Variants in BRWD3 observed in about 807,000 individuals in gnomAD.
BRWD3 encodes bromodomain and WD repeat domain containing 3.
BRWD3 carries 10 observed loss-of-function variants against 149.7 expected under a neutral mutation model. The observed-to-expected ratio is 0.07, with a 90% CI of 0.04 to 0.11. The LOEUF (loss-of-function observed/expected upper bound fraction) is 0.11. Ranked by LOEUF, BRWD3 falls within the 10% of genes least tolerant of loss-of-function variation. BRWD3 has a pLI of 1.00. For synonymous variants in BRWD3, 504 were observed against 456.7 expected (o/e 1.10, Z -1.32); for missense variants, 940 against 1,373.2 (o/e 0.68, Z 4.99).
chrX:80,687,309 A>G (rs1294889005), intron 34 of BRWD3, among the ~76,000 whole-genome samples: 1 of 111,287 alleles, frequency 9.0e-6, no homozygotes, highest in Non-Finnish European at 1.9e-5. Flanking sequence ...CAAGTTATAG[A>G]GCCTTAATAT....
chrX:80,717,502 TA>T, intron 19 of BRWD3, 70 bp downstream of exon 19: 1 of 1,008,278 alleles, frequency 9.9e-7, no homozygotes, highest in Non-Finnish European at 1.4e-6. Flanking sequence ...TAGGCTAACA[TA>T]GTACATTTCA....
intron 14 of BRWD3, among the ~76,000 whole-genome samples, chrX:80,725,752 A>G (rs3132169): frequency 5.5e-3 from 352 of 63,457 alleles, no homozygotes; most frequent in East Asian, 0.022. Flanking sequence ...CCTATATAAC[A>G]TATAACATGT....
At chrX:80,809,191 G>C (rs1443782472) in intron 2 of BRWD3, 55 bp downstream of exon 2, 2 of 1,161,554 alleles carry the variant, frequency 1.7e-6, no homozygotes, top group Non-Finnish European at 2.3e-6. Context: ...CCGCTGCCTC[G>C]ATTTCCCCAC....
intron 6 of BRWD3, among the ~76,000 whole-genome samples, chrX:80,750,213 G>A (rs2073647105): frequency 9.0e-6 from 1 of 111,026 alleles, no homozygotes; most frequent in South Asian, 3.8e-4. Flanking sequence ...TCCAAACACA[G>A]GCAACAAAAT....
intron 2 of BRWD3, 60 bp downstream of exon 2, chrX:80,809,186 G>A: frequency 8.6e-7 from 1 of 1,157,355 alleles, no homozygotes; most frequent in East Asian, 3.1e-5. Context: ...TCGTCCCGCT[G>A]CCTCGATTTC....
At chrX:80,713,280 C>G (rs1426242850) in intron 20 of BRWD3, among the ~76,000 whole-genome samples, 3 of 111,623 alleles carry the variant, frequency 2.7e-5, no homozygotes, top group African/African-American at 6.5e-5. Flanking sequence ...ATTGAGAAAT[C>G]GGATGGTTGC....
intron 7 of BRWD3, 56 bp from the exon 8 acceptor site, chrX:80,744,309 C>T (rs1023634671): frequency 3.2e-6 from 3 of 925,304 alleles, no homozygotes; most frequent in Non-Finnish European, 4.7e-6. Context: ...ACAATACCCC[C>T]ACCCAAAAAA....
intron 4 of BRWD3, among the ~76,000 whole-genome samples, chrX:80,798,772 A>G (rs2074264580): frequency 1.8e-5 from 2 of 111,879 alleles, no homozygotes; most frequent in Admixed American, 9.6e-5. Flanking sequence ...ATCTCTACCA[A>G]AAAAGGTTTT....
At chrX:80,690,729 T>G (rs2072600306) in intron 31 of BRWD3, among the ~76,000 whole-genome samples, 1 of 111,561 alleles carries the variant, frequency 9.0e-6, no homozygotes, top group Non-Finnish European at 1.9e-5. Context: ...CAACAGAGGA[T>G]TTAAACATGC....
intron 4 of BRWD3, among the ~76,000 whole-genome samples, chrX:80,799,926 T>C (rs1055193138): frequency 2.7e-5 from 3 of 111,270 alleles, no homozygotes; most frequent in African/African-American, 9.8e-5. Flanking sequence ...CCATTTAAAG[T>C]ATAGGAAAGC....
intron 12 of BRWD3, among the ~76,000 whole-genome samples, chrX:80,732,138 C>T (rs1009227117): frequency 9.0e-6 from 1 of 111,141 alleles, no homozygotes; most frequent in African/African-American, 3.3e-5. Flanking sequence ...CATAAATGAA[C>T]TGTGTTTAGA....
At chrX:80,725,860 C>CGT (rs753718562) in intron 14 of BRWD3, among the ~76,000 whole-genome samples, 65 of 102,280 alleles carry the variant, frequency 6.4e-4, no homozygotes, top group South Asian at 1.4e-3. Flanking sequence ...GCCTATATAA[C>CGT]ATAACATGTT....
At chrX:80,798,961 T>C (rs1162129102) in intron 4 of BRWD3, among the ~76,000 whole-genome samples, 1 of 111,924 alleles carries the variant, frequency 8.9e-6, no homozygotes, top group Non-Finnish European at 1.9e-5. Flanking sequence ...AATACAGGAA[T>C]CTGGGTTTCT....
At chrX:80,788,071 G>A (rs772192859) in intron 6 of BRWD3, among the ~76,000 whole-genome samples, 6 of 106,305 alleles carry the variant, frequency 5.6e-5, no homozygotes, top group South Asian at 4.2e-4. Context: ...GTGACAGAGC[G>A]AGACTCTGTC....
chrX:80,786,377 T>C (rs1251233695), intron 6 of BRWD3, among the ~76,000 whole-genome samples: 2 of 110,783 alleles, frequency 1.8e-5, no homozygotes, highest in Non-Finnish European at 3.8e-5. Flanking sequence ...ACAAATTCTA[T>C]GCATAGTGGC....
At chrX:80,728,543 G>T (rs1291232172) in intron 14 of BRWD3, among the ~76,000 whole-genome samples, 1 of 111,318 alleles carries the variant, frequency 9.0e-6, no homozygotes, top group Non-Finnish European at 1.9e-5. Flanking sequence ...ACTTAGAAAA[G>T]ATCTTGAAAA....
intron 37 of BRWD3, 96 bp from the exon 38 acceptor site, chrX:80,682,724 C>A (rs1487073632): frequency 2.4e-6 from 2 of 821,291 alleles, no homozygotes; most frequent in Non-Finnish European, 3.4e-6. Context: ...TCATTACAGA[C>A]AAAATATCTG....
chrX:80,771,174 C>T (rs1227345141), intron 6 of BRWD3, among the ~76,000 whole-genome samples: 1 of 111,553 alleles, frequency 9.0e-6, no homozygotes, highest in Non-Finnish European at 1.9e-5. Context: ...GGCCCTACTG[C>T]CCAAGGTAAT....
At chrX:80,739,642 T>G (rs1267197041) in intron 8 of BRWD3, among the ~76,000 whole-genome samples, 1 of 111,760 alleles carries the variant, frequency 8.9e-6, no homozygotes, top group Admixed American at 9.5e-5. Context: ...TAGACCCTCC[T>G]TATCTGCAGA....
Sources: allele counts gnomAD v4.1 joint callset (sites outside exome capture counted in the v4.1 genomes callset), GRCh38; gene constraint gnomAD v4.1.1; transcripts MANE v1.5; gene names NCBI Gene and HGNC (gene_info 2026-07-23, HGNC 2026-07-21).